The following OLA1 variants were observed in gnomAD, a reference collection of about 807,000 sequenced individuals.
OLA1 encodes Obg like ATPase 1.
A neutral mutation model predicts 48.4 loss-of-function variants in OLA1; 14 were observed. The ratio of observed to expected loss-of-function variants is 0.29; its 90% CI spans 0.19 to 0.45. The LOEUF is 0.45. Ranked by LOEUF, OLA1 falls within the 20% of genes least tolerant of loss-of-function variation. The pLI is 1.00. For synonymous variants in OLA1, 127 were observed against 150.4 expected (o/e 0.84, Z 1.14); for missense variants, 325 against 467.1 (o/e 0.70, Z 2.80).
rs572934009 is a variant in OLA1 at position 174,122,012 on chromosome 2, A to G, written c.728+1168T>C. 4.6e-4 allele frequency among the ~76,000 whole-genome samples: 70 copies of G among 152,348 alleles called. 1 individual carries two copies. Among genetic ancestry groups the G allele is most frequent in the Middle Eastern group, 6.8e-3 (2 of 294 alleles). On this transcript the variant is annotated intron_variant, in intron 7 of 10. Coordinates refer to ENST00000284719, the MANE Select transcript of OLA1 (RefSeq NM_013341.5). ...AATTTTAAAATTCATTCCTAAAGGT[A>G]ACAATTTTTAACACATTAATCATCA...
chr2:174,223,511 A>G (rs1342346820), intron 3 of OLA1, among the ~76,000 whole-genome samples: 1 of 152,194 alleles, frequency 6.6e-6, no homozygotes, highest in East Asian at 1.9e-4. Flanking sequence ...TGAGGTAATC[A>G]TCATAAAATG....
intron 4 of OLA1, among the ~76,000 whole-genome samples, chr2:174,158,595 C>T (rs527648877): frequency 2.0e-5 from 3 of 152,144 alleles, no homozygotes; most frequent in African/African-American, 4.8e-5. Flanking sequence ...AATATGAATA[C>T]ATTTAATGCA....
intron 4 of OLA1, among the ~76,000 whole-genome samples, chr2:174,150,403 G>C (rs964743980): frequency 1.3e-5 from 2 of 152,172 alleles, no homozygotes; most frequent in Non-Finnish European, 2.9e-5. Context: ...CTCCATGATT[G>C]TAAGAAATAA....
In OLA1 at chr2:174,223,832, G is replaced by C. The variant is rs529496440; in HGVS notation, c.246-672C>G. Among the ~76,000 whole-genome samples the C allele has an allele frequency of 1.2e-3, 175 of 147,428 alleles. 1 individual carries two copies. Among genetic ancestry groups the C allele is most frequent in the African/African-American group, 4.1e-3 (164 of 40,152 alleles). ...CAGTTATCAGCATAGTAATAACCTAGCTGTTGATAACAGCAACCAAATTAG... is the reference window on the plus strand; with the variant it reads ...CAGTTATCAGCATAGTAATAACCTACCTGTTGATAACAGCAACCAAATTAG... On this transcript the variant is annotated intron_variant, in intron 3 of 10. Coordinates refer to ENST00000284719, the MANE Select transcript of OLA1 (RefSeq NM_013341.5).
chr2:174,117,522 T>C (rs1685811448), intron 7 of OLA1, among the ~76,000 whole-genome samples: 1 of 152,210 alleles, frequency 6.6e-6, no homozygotes, highest in Non-Finnish European at 1.5e-5. Context: ...GAAACAATAT[T>C]ATTAATGGTC....
At chr2:174,095,334 TTTTTTTTTTTTTTTTGTTG>T (rs1439848164) in intron 7 of OLA1, among the ~76,000 whole-genome samples, 1 of 121,298 alleles carries the variant, frequency 8.2e-6, no homozygotes, top group Non-Finnish European at 1.9e-5. Context: ...TGTTTTTTTT[TTTTTTTTTTTTTTTTGTTG>T]TTGTTGTTGT....
At chr2:174,123,409 A>G (rs1420615041) in intron 6 of OLA1, 132 bp from the exon 7 acceptor site, 1 of 604,228 alleles carries the variant, frequency 1.7e-6, no homozygotes, top group Non-Finnish European at 2.8e-6. Flanking sequence ...TCTTTCCAAA[A>G]GATTAGTGGT....
intron 7 of OLA1, among the ~76,000 whole-genome samples, chr2:174,088,877 A>AAAAT (rs5836449): frequency 0.22 from 32,533 of 147,866 alleles, 5,076 homozygotes; most frequent in East Asian, 0.72. Flanking sequence ...TCCTGTCTCA[A>AAAAT]AAATAAATAA....
chr2:174,143,266 A>G (rs1686499991), intron 4 of OLA1, among the ~76,000 whole-genome samples: 1 of 152,170 alleles, frequency 6.6e-6, no homozygotes, highest in African/African-American at 2.4e-5. Context: ...ATATGAGCAA[A>G]ATTAGCAGAA....
chr2:174,247,569 C>A (rs1689153796), intron 1 of OLA1: 2 of 1,504,296 alleles, frequency 1.3e-6, no homozygotes, highest in East Asian at 2.5e-5. Context: ...GAACCACCAG[C>A]AGCCAAGTCA....
chr2:174,144,930 T>TAAAAAAAAA (rs71021671), intron 4 of OLA1, among the ~76,000 whole-genome samples: 3 of 41,108 alleles, frequency 7.3e-5, no homozygotes, highest in Non-Finnish European at 1.2e-4. Context: ...AGACCCTGTT[T>TAAAAAAAAA]AAAAAAAAAA....
chr2:174,207,226 A>G (rs938654523), intron 4 of OLA1, among the ~76,000 whole-genome samples: 4 of 152,196 alleles, frequency 2.6e-5, no homozygotes, highest in Admixed American at 6.5e-5. Flanking sequence ...TATAAACTAA[A>G]AAGGCAACTT....
At chr2:174,213,547 T>C (rs1688294594) in intron 4 of OLA1, among the ~76,000 whole-genome samples, 1 of 152,070 alleles carries the variant, frequency 6.6e-6, no homozygotes, top group South Asian at 2.1e-4. Context: ...CATATTCAAA[T>C]ATTTAAAAAT....
chr2:174,146,080 T>C (rs1686590885), intron 4 of OLA1, among the ~76,000 whole-genome samples: 1 of 152,140 alleles, frequency 6.6e-6, no homozygotes, highest in African/African-American at 2.4e-5. Flanking sequence ...TATAAAAGCC[T>C]AAAAATAGCA....
At position 174,081,940 on chromosome 2, in the gene OLA1, C is replaced by A; in HGVS notation, c.853G>T (p.Ala285Ser). 1 of 1,612,026 alleles carries A rather than the reference C, an allele frequency of 6.2e-7. No homozygotes were observed. Among genetic ancestry groups the A allele is most frequent in the South Asian group, 1.1e-5 (1 of 90,976 alleles). Reference sequence around the variant, plus strand: ...CTAATTAACCTTTGTGTCATGTTCGCTTCCAGATACTTCTGTCTCTCCTCA... The same window carrying A: ...CTAATTAACCTTTGTGTCATGTTCGATTCCAGATACTTCTGTCTCTCCTCA... ...SAEERQKYLE[A>S]NMTQSALPKI... Residue 285 changes from alanine (A) to serine (S), a missense_variant, in exon 8 of 11, where the codon GCG becomes TCG. By Grantham distance (99) the Ala-to-Ser change is moderately conservative. Coordinates refer to ENST00000284719, the MANE Select transcript of OLA1 (RefSeq NM_013341.5).
At chr2:174,095,349 TGTTG>T (rs373802509) in intron 7 of OLA1, among the ~76,000 whole-genome samples, 6,239 of 104,226 alleles carry the variant, frequency 0.06, 67 homozygotes, top group Non-Finnish European at 0.089. Flanking sequence ...TTTTTTTTTT[TGTTG>T]TTGTTGTTGT....
intron 3 of OLA1, 130 bp from the exon 4 acceptor site, chr2:174,223,290 T>C (rs1024010504): frequency 3.4e-6 from 3 of 870,542 alleles, no homozygotes; most frequent in Admixed American, 3.0e-5. Context: ...ATTTGATAAA[T>C]GAATATCCAC....
chr2:174,219,041 A>C (rs954491115), intron 4 of OLA1, among the ~76,000 whole-genome samples: 1 of 144,282 alleles, frequency 6.9e-6, no homozygotes, highest in Non-Finnish European at 1.5e-5. Context: ...TCCCGGGCCA[A>C]TCTTGAACTC....
At chr2:174,093,383 A>T (rs1685170946) in intron 7 of OLA1, among the ~76,000 whole-genome samples, 1 of 151,988 alleles carries the variant, frequency 6.6e-6, no homozygotes, top group African/African-American at 2.4e-5. Context: ...TGGGAGGATC[A>T]CTTGAACCCA....
Sources: allele counts gnomAD v4.1 joint callset (sites outside exome capture counted in the v4.1 genomes callset), GRCh38; gene constraint gnomAD v4.1.1; transcripts MANE v1.5; gene names NCBI Gene and HGNC (gene_info 2026-07-23, HGNC 2026-07-21).